The following MYCBP2 variants were observed in gnomAD, a reference collection of about 807,000 sequenced individuals.
The protein encoded by MYCBP2 is MYC binding protein 2, also known as E3 ubiquitin-protein ligase MYCBP2.
Under a neutral mutation model 525.3 loss-of-function variants are expected in MYCBP2, and 120 were observed. The observed-to-expected ratio is 0.23, with a 90% CI of 0.20 to 0.27. MYCBP2 has a LOEUF of 0.27. Ranked by LOEUF, MYCBP2 falls within the 10% of genes least tolerant of loss-of-function variation. The pLI is 1.00. For synonymous variants in MYCBP2, 1,894 were observed against 1,955.8 expected, an observed-to-expected ratio of 0.97 and a Z score of 0.83; for missense variants, 4,149 against 5,657.1, an observed-to-expected ratio of 0.73 and a Z score of 8.55.
intron 4 of MYCBP2, among the ~76,000 whole-genome samples, chr13:77,275,832 A>C (rs1161233687): frequency 6.6e-6 from 1 of 152,146 alleles, no homozygotes; most frequent in African/African-American, 2.4e-5. Flanking sequence ...AAAAATACAA[A>C]AATTAGCCGG....
chr13:77,294,122 A>ATATATATATATATATATATATATG, intron 2 of MYCBP2, among the ~76,000 whole-genome samples: 1 of 66,046 alleles, frequency 1.5e-5, no homozygotes, highest in South Asian at 4.4e-4. Flanking sequence ...ATATATATAT[A>ATATATATATATATATATATATATG]TATATATACA....
chr13:77,282,452 T>C (rs1222024884), intron 3 of MYCBP2, among the ~76,000 whole-genome samples: 1 of 151,954 alleles, frequency 6.6e-6, no homozygotes, highest in Non-Finnish European at 1.5e-5. Flanking sequence ...GTGTGAAGTT[T>C]CTGAGTTCCT....
chr13:77,109,391 T>C (rs1388791371), intron 55 of MYCBP2, among the ~76,000 whole-genome samples: 1 of 152,164 alleles, frequency 6.6e-6, no homozygotes, highest in East Asian at 1.9e-4. Context: ...TGACAGGAAG[T>C]AGAGCTGAGA....
intron 13 of MYCBP2, among the ~76,000 whole-genome samples, chr13:77,258,934 T>A (rs1051994034): frequency 6.6e-6 from 1 of 152,122 alleles, no homozygotes; most frequent in African/African-American, 2.4e-5. Context: ...AGTTAAAGAT[T>A]AAGTAAACTG....
rs372422045 is a variant in MYCBP2, at chr13:77,263,901, C to T, written c.1431+28G>A. ...TTAAGGAAAAGGAATTCCATTTACA[C>T]TAGCTACTTAAGATTCAGGATACTT... On this transcript the variant is annotated intron_variant, in intron 9 of 82. Coordinates refer to ENST00000544440, the MANE Select transcript of MYCBP2 (RefSeq NM_015057.5). 3.1e-6 allele frequency: 5 copies of T among 1,607,764 alleles called. No individual in the cohort carries two copies. The African/African-American group carries it at 6.7e-5, about 21-fold the overall frequency.
intron 52 of MYCBP2, chr13:77,129,855 C>T (rs989029845): frequency 9.0e-4 from 137 of 151,640 alleles, no homozygotes; most frequent in African/African-American, 3.1e-3. Context: ...ATAATACATA[C>T]AATCAATTTT....
At chr13:77,258,347 A>G (rs1164543311) in intron 13 of MYCBP2, among the ~76,000 whole-genome samples, 1 of 152,112 alleles carries the variant, frequency 6.6e-6, no homozygotes, top group Non-Finnish European at 1.5e-5. Flanking sequence ...TCTAAACTTC[A>G]CTTATTCATG....
chr13:77,249,549 T>A (rs976310660), intron 15 of MYCBP2, among the ~76,000 whole-genome samples: 1 of 152,128 alleles, frequency 6.6e-6, no homozygotes, highest in Non-Finnish European at 1.5e-5. Flanking sequence ...AGTGGGGATA[T>A]TAAATTTTAT....
At chr13:77,173,219 G>A (rs2059309352) in intron 37 of MYCBP2, among the ~76,000 whole-genome samples, 1 of 152,192 alleles carries the variant, frequency 6.6e-6, no homozygotes, top group Non-Finnish European at 1.5e-5. Context: ...GGTATTTAAA[G>A]CTTAATAGAA....
intron 3 of MYCBP2, among the ~76,000 whole-genome samples, chr13:77,282,237 C>T (rs972349741): frequency 6.6e-6 from 1 of 151,782 alleles, no homozygotes; most frequent in African/African-American, 2.4e-5. Flanking sequence ...ATGGTGAAAC[C>T]CCATCTCTAC....
At chr13:77,301,422 CAAAAAAAA>C (rs11338423) in intron 1 of MYCBP2, among the ~76,000 whole-genome samples, 1 of 40,510 alleles carries the variant, frequency 2.5e-5, no homozygotes, top group African/African-American at 8.9e-5. Context: ...GACTCCATCT[CAAAAAAAA>C]AAAAAAAAAA....
At chr13:77,233,103 A>C (rs2067351510) in intron 18 of MYCBP2, 53 bp downstream of exon 18, 1 of 1,469,034 alleles carries the variant, frequency 6.8e-7, no homozygotes, top group Admixed American at 1.7e-5. Context: ...AATTCAAATG[A>C]GTGGAAGAAA....
chr13:77,155,820 C>CT (rs1319816431), intron 46 of MYCBP2, among the ~76,000 whole-genome samples: 1 of 152,152 alleles, frequency 6.6e-6, no homozygotes, highest in Non-Finnish European at 1.5e-5. Flanking sequence ...CTTATCCCTC[C>CT]TTTGAGTCCC....
At chr13:77,068,414 A>AAAAAAAAAAAAAAAAAAAAAGG in intron 70 of MYCBP2, 151 bp downstream of exon 70, 1 of 844,678 alleles carries the variant, frequency 1.2e-6, no homozygotes, top group Non-Finnish European at 1.8e-6. Flanking sequence ...ACAGTAAAAA[A>AAAAAAAAAAAAAAAAAAAAAGG]GGGAGTAAAA....
chr13:77,253,334 A>T (rs1261691578), intron 14 of MYCBP2, among the ~76,000 whole-genome samples: 2 of 151,966 alleles, frequency 1.3e-5, no homozygotes, highest in African/African-American at 4.8e-5. Flanking sequence ...GTTCACAGCA[A>T]CATTATTCAT....
rs189304074 is a variant in MYCBP2, at chr13:77,116,547, T to C, written c.8140+4826A>G. Among the ~76,000 whole-genome samples the C allele has an allele frequency of 1.2e-3, 176 of 152,134 alleles. 1 individual carries two copies. The highest frequency in any genetic ancestry group is 4.2e-3 in the African/African-American group (173 of 41,566). On this transcript the variant is annotated intron_variant, in intron 55 of 82. Coordinates refer to ENST00000544440, the MANE Select transcript of MYCBP2 (RefSeq NM_015057.5). Reference sequence around the variant, plus strand: ...ACTTCCATTTTCTGGAATTTGGAAGTCAAAATTTAGAGACGTCCTGTTGCG... The same window carrying C: ...ACTTCCATTTTCTGGAATTTGGAAGCCAAAATTTAGAGACGTCCTGTTGCG...
At chr13:77,262,565 CAG>C in intron 10 of MYCBP2, among the ~76,000 whole-genome samples, 2 of 152,060 alleles carry the variant, frequency 1.3e-5, no homozygotes, top group Middle Eastern at 6.8e-3. Flanking sequence ...AGTCCAGACA[CAG>C]AGTCATTCAA....
intron 68 of MYCBP2, among the ~76,000 whole-genome samples, chr13:77,072,240 G>A (rs1157591496): frequency 3.4e-5 from 5 of 147,468 alleles, no homozygotes; most frequent in South Asian, 4.2e-4. Context: ...GCAGTGAGCC[G>A]AGATTGCACC....
Position 77,098,256 on chromosome 13 carries a change from T to A in MYCBP2, c.8898A>T (p.Lys2966Asn). The change falls in exon 56 of 83, where the codon AAA (lysine) becomes AAT (asparagine). Residue 2966 changes from lysine to asparagine, a missense_variant. By Grantham distance (94) the Lys-to-Asn change is moderately conservative. This residue lies in a region of MYCBP2 where 653 missense variants were observed against 744.7 expected (regional missense o/e 0.88). Coordinates refer to ENST00000544440, the MANE Select transcript of MYCBP2 (RefSeq NM_015057.5). ...EFKSVDEGSN[K>N]VHFSIGKAPL... ...GTGCTTTTCCAATGCTAAAATGAACTTTATTTGAACCTTCATCCACACTCT... is the reference window on the plus strand; with the variant it reads ...GTGCTTTTCCAATGCTAAAATGAACATTATTTGAACCTTCATCCACACTCT... 1 of 1,613,036 alleles carries A rather than the reference T, an allele frequency of 6.2e-7. No homozygotes were observed. The highest frequency in any genetic ancestry group is 2.2e-5 in the East Asian group (1 of 44,862).
Sources: allele counts gnomAD v4.1 joint callset (sites outside exome capture counted in the v4.1 genomes callset), GRCh38; gene constraint gnomAD v4.1.1; regional missense constraint gnomAD v4.1.1; transcripts MANE v1.5; gene names NCBI Gene and HGNC (gene_info 2026-07-23, HGNC 2026-07-21).